Variants in KAT6A observed in about 807,000 individuals in gnomAD.
KAT6A encodes histone acetyltransferase KAT6A.
A neutral mutation model predicts 198.4 loss-of-function variants in KAT6A; 9 were observed. The observed-to-expected ratio is 0.05, with a 90% CI of 0.03 to 0.08. The LOEUF is 0.08. Ranked by LOEUF, KAT6A falls within the 10% of genes least tolerant of loss-of-function variation. KAT6A has a pLI of 1.00. For missense variants in KAT6A, 2,077 were observed against 2,509.9 expected, an observed-to-expected ratio of 0.83 and a Z score of 3.69; for synonymous variants, 890 against 883.0, an observed-to-expected ratio of 1.01 and a Z score of -0.14.
chr8:41,962,590 G>C (rs1823259820), intron 8 of KAT6A, among the ~76,000 whole-genome samples: 1 of 100,684 alleles, frequency 9.9e-6, no homozygotes, highest in African/African-American at 3.9e-5. Flanking sequence ...AGTTCTCCCT[G>C]CTTGTATACT....
Position 41,933,091 on chromosome 8 carries a change from C to T in KAT6A, c.5129G>A (p.Ser1710Asn), listed in dbSNP as rs765315565. 1 of 1,417,982 alleles carries T rather than the reference C, an allele frequency of 7.1e-7. No individual in the cohort carries two copies. Among genetic ancestry groups the T allele is most frequent in the Non-Finnish European group, 9.5e-7 (1 of 1,054,958 alleles). The allele number at this position is 1,417,982 out of a possible 1,614,324, so 87.8% of individuals were successfully genotyped here. A position where few individuals can be genotyped will look rare whatever the true frequency, so the allele number is the denominator to read the frequency against. The change falls in exon 17 of 17, where the codon AGT becomes AAT. Residue 1710 changes from serine to asparagine, a missense_variant. This residue lies in a region of KAT6A where 500 missense variants were observed against 577.2 expected (regional missense o/e 0.87). Transcript: ENST00000265713. The surrounding 1 kb of genome is among the most constrained non-coding windows in gnomAD (Gnocchi z 6.2). The part of the protein sequence containing the change: ...PPLSQCSMNN[S>N]FTPAPMIMEI... ...CATGATCATAGGAGCTGGGGTGAAACTGTTATTCATACTACACTGTGACAG... is the reference window on the plus strand; with the variant it reads ...CATGATCATAGGAGCTGGGGTGAAATTGTTATTCATACTACACTGTGACAG...
chr8:42,013,317 G>A (rs554338675), intron 2 of KAT6A, among the ~76,000 whole-genome samples: 34 of 149,924 alleles, frequency 2.3e-4, no homozygotes, highest in African/African-American at 6.4e-4. Flanking sequence ...GTGCAGTGGC[G>A]CGATCTTGGC....
chr8:41,954,818 A>G (rs1160237113), intron 9 of KAT6A, among the ~76,000 whole-genome samples: 1 of 152,182 alleles, frequency 6.6e-6, no homozygotes, highest in Non-Finnish European at 1.5e-5. Flanking sequence ...GTTTATTAAT[A>G]TATCTGGAAG....
At chr8:42,036,807 G>A (rs1038243279) in intron 2 of KAT6A, among the ~76,000 whole-genome samples, 1 of 152,186 alleles carries the variant, frequency 6.6e-6, no homozygotes, top group African/African-American at 2.4e-5. Context: ...AAAGCAGTGA[G>A]GGTAAGGAGA....
chr8:41,934,185 A>G lies in KAT6A; in HGVS notation c.4035T>C (p.Pro1345=). Residue 1345 remains proline (P), a synonymous_variant, in exon 17 of 17, where the codon CCT becomes CCC. Transcript: ENST00000265713. ...QPTREDVKEE[P]GVQESFLDAN... ...CATCTAAAAAAGACTCTTGAACACC[A>G]GGCTCCTCCTTGACATCTTCCCTCG... 6.2e-7 allele frequency: 1 copy of G among 1,614,052 alleles called. No individual in the cohort carries two copies. Among genetic ancestry groups the G allele is most frequent in the South Asian group, 1.1e-5 (1 of 91,070 alleles).
At chr8:42,009,172 A>T (rs1195653466) in intron 2 of KAT6A, among the ~76,000 whole-genome samples, 1 of 152,164 alleles carries the variant, frequency 6.6e-6, no homozygotes, top group Non-Finnish European at 1.5e-5. Flanking sequence ...CAGAGAGAAA[A>T]TCAGTTAGTT....
At chr8:41,980,145 G>C (rs1824277227) in intron 5 of KAT6A, among the ~76,000 whole-genome samples, 1 of 152,056 alleles carries the variant, frequency 6.6e-6, no homozygotes, top group Non-Finnish European at 1.5e-5. Context: ...TAAAATCAGA[G>C]TTAAAATGGA....
intron 12 of KAT6A, among the ~76,000 whole-genome samples, chr8:41,944,935 A>C (rs1822302325): frequency 6.6e-6 from 1 of 152,250 alleles, no homozygotes; most frequent in Admixed American, 6.5e-5. Flanking sequence ...TATGGACAGA[A>C]GGACAGTCTA....
intron 2 of KAT6A, among the ~76,000 whole-genome samples, chr8:42,029,033 T>C (rs1404126840): frequency 1.3e-5 from 2 of 152,218 alleles, no homozygotes; most frequent in African/African-American, 4.8e-5. Context: ...AAAGAATTTA[T>C]TTATCTTTCA....
At chr8:41,962,451 T>G (rs1350496108) in intron 8 of KAT6A, among the ~76,000 whole-genome samples, 1 of 152,186 alleles carries the variant, frequency 6.6e-6, no homozygotes, top group Non-Finnish European at 1.5e-5. Flanking sequence ...TCGGACTCCC[T>G]GCTTTCACAA....
chr8:42,004,106 A>G (rs1316360544), intron 2 of KAT6A, among the ~76,000 whole-genome samples: 2 of 152,236 alleles, frequency 1.3e-5, no homozygotes, highest in African/African-American at 4.8e-5. Context: ...TTTATTGTGT[A>G]TAAGGATATT....
intron 11 of KAT6A, among the ~76,000 whole-genome samples, 162 bp downstream of exon 11, chr8:41,947,589 T>A (rs1054995701): frequency 6.6e-6 from 1 of 152,212 alleles, no homozygotes; most frequent in Non-Finnish European, 1.5e-5. Context: ...ACTAAGCACC[T>A]TCTAGCACCT....
chr8:41,954,332 A>T (rs1193327961), intron 9 of KAT6A, among the ~76,000 whole-genome samples: 1 of 152,218 alleles, frequency 6.6e-6, no homozygotes, highest in Non-Finnish European at 1.5e-5. Flanking sequence ...GGTACTAAAT[A>T]AATTTTGCTA....
chr8:41,965,019 A>G (rs1487553557), intron 8 of KAT6A, among the ~76,000 whole-genome samples: 1 of 152,180 alleles, frequency 6.6e-6, no homozygotes, highest in Non-Finnish European at 1.5e-5. Context: ...TTATTGGCCC[A>G]TCAGATCAAC....
At chr8:42,011,358 T>C in intron 2 of KAT6A, among the ~76,000 whole-genome samples, 1 of 152,246 alleles carries the variant, frequency 6.6e-6, no homozygotes, top group Non-Finnish European at 1.5e-5. Context: ...TTCAAGTTCC[T>C]ACATTACCTT....
intron 7 of KAT6A, 62 bp downstream of exon 7, chr8:41,976,946 G>A: frequency 7.7e-7 from 1 of 1,291,188 alleles, no homozygotes. Context: ...GATAATTAGT[G>A]TTATCCCGAA....
intron 2 of KAT6A, among the ~76,000 whole-genome samples, chr8:42,000,126 G>T (rs150058176): frequency 6.6e-6 from 1 of 152,174 alleles, no homozygotes; most frequent in Non-Finnish European, 1.5e-5. Flanking sequence ...TTATGCAACT[G>T]CATTAAGAGT....
chr8:42,021,695 C>T (rs139211089), intron 2 of KAT6A, among the ~76,000 whole-genome samples: 99 of 152,232 alleles, frequency 6.5e-4, no homozygotes, highest in African/African-American at 2.3e-3. Context: ...CTTTGGGAGG[C>T]CAAGGCAGGT....
chr8:41,957,124 G>C lies in KAT6A; in HGVS notation c.1483-1713C>G, dbSNP rs376490109. 6.3e-5 allele frequency: 38 copies of C among 603,942 alleles called. No individual in the cohort carries two copies. In the East Asian group the frequency reaches 1.1e-3, roughly 17 times the overall value. The allele number at this position is 603,942 out of a possible 1,614,324, so 37.4% of individuals were successfully genotyped here. ...GCTCTTCTAGGCGGATGCCCGATGTGAAAGTGGATATCCAGTTCCAGTACA... is the reference window on the plus strand; with the variant it reads ...GCTCTTCTAGGCGGATGCCCGATGTCAAAGTGGATATCCAGTTCCAGTACA... On this transcript the variant is annotated intron_variant, in intron 8 of 16. Transcript: ENST00000265713.
Sources: gnomAD v4.1 joint callset for allele counts (sites outside exome capture counted in the v4.1 genomes callset) on GRCh38, gnomAD v4.1.1 for gene constraint, gnomAD v4.1.1 regional missense constraint, Gnocchi (gnomAD v3.1) non-coding constraint, MANE v1.5 for transcripts, NCBI Gene and HGNC (gene_info 2026-07-23, HGNC 2026-07-21) for gene names.